Variants in ATXN2 observed in about 807,000 individuals in gnomAD.
The protein encoded by ATXN2 is ataxin 2, also known as ataxin-2.
Under a neutral mutation model 138.6 loss-of-function variants are expected in ATXN2, and 37 were observed. The observed-to-expected ratio is 0.27, with a 90% CI of 0.21 to 0.35. ATXN2 has a LOEUF of 0.35. Among genes scored for constraint, ATXN2 ranks in the 10% least tolerant of loss-of-function variants. The pLI is 1.00. For synonymous variants in ATXN2, 549 were observed against 543.7 expected, an observed-to-expected ratio of 1.01 and a Z score of -0.13; for missense variants, 1,216 against 1,480.3, an observed-to-expected ratio of 0.82 and a Z score of 2.93.
intron 5 of ATXN2, among the ~76,000 whole-genome samples, chr12:111,531,577 C>T (rs568366371): frequency 4.0e-5 from 5 of 123,756 alleles, no homozygotes; most frequent in East Asian, 1.5e-3. Context: ...TTGTATACTA[C>T]GAGCATATAC....
rs1231136567 is a variant in ATXN2, at chr12:111,452,842, T to C, written c.3440-2A>G. The C allele has an allele frequency of 6.2e-7, 1 of 1,607,834 alleles. No homozygotes were observed. Reference sequence around the variant, plus strand: ...ACTGCTGTTGGTGGTGGGCTTGTACTGTAAAAAGAAAAGCGAACATTGAAA... The same window carrying C: ...ACTGCTGTTGGTGGTGGGCTTGTACCGTAAAAAGAAAAGCGAACATTGAAA... On this transcript the variant is annotated splice_acceptor_variant, in intron 24 of 24. Coordinates refer to ENST00000673436, the MANE Select transcript of ATXN2 (RefSeq NM_001372574.1). LOFTEE classifies it high-confidence loss of function.
intron 1 of ATXN2, among the ~76,000 whole-genome samples, chr12:111,571,490 T>C (rs931448802): frequency 1.3e-5 from 2 of 152,116 alleles, no homozygotes; most frequent in Non-Finnish European, 2.9e-5. Context: ...AGGGTAAGTA[T>C]GAGGATCTCG....
At position 111,486,762 on chromosome 12, in the gene ATXN2, T is replaced by C; in HGVS notation, c.2303A>G (p.Gln768Arg). The C allele has an allele frequency of 6.2e-7, 1 of 1,608,516 alleles. No individual in the cohort carries two copies. The highest frequency in any genetic ancestry group is 8.5e-7 in the Non-Finnish European group (1 of 1,175,542). Residue 768 changes from glutamine (Q) to arginine (R), a missense_variant and splice_region_variant, in exon 16 of 25, where the codon CAG becomes CGG. Coordinates refer to ENST00000673436, the MANE Select transcript of ATXN2 (RefSeq NM_001372574.1). Reference sequence around the variant, plus strand: ...CCTCAAAGAAAGTAATAAACCTACCTGAGAGAAGGAACGTGGGTTGAACTC... The same window carrying C: ...CCTCAAAGAAAGTAATAAACCTACCCGAGAGAAGGAACGTGGGTTGAACTC... Reference protein sequence around the residue: ...AKEFNPRSFSQPKPSTTPTSP... With the variant: ...AKEFNPRSFSRPKPSTTPTSP...
At chr12:111,470,356 C>T in intron 19 of ATXN2, 116 bp from the exon 20 acceptor site, 3 of 1,330,414 alleles carry the variant, frequency 2.3e-6, no homozygotes, top group Non-Finnish European at 3.1e-6. Flanking sequence ...GCTGTAAACT[C>T]TCAAATCTTT....
Position 111,513,534 on chromosome 12 carries a change from G to A in ATXN2, c.1381C>T (p.Pro461Ser), listed in dbSNP as rs754476298. 1 of 1,611,324 alleles carries A rather than the reference G, an allele frequency of 6.2e-7. No individual in the cohort carries two copies. Among genetic ancestry groups the A allele is most frequent in the Admixed American group, 1.7e-5 (1 of 59,174 alleles). The change falls in exon 11 of 25, where the codon CCA (proline) becomes TCA (serine). Residue 461 changes from proline (P) to serine (S), a missense_variant. Around this residue, in one of 4 missense-constraint regions of ATXN2, gnomAD observed 401 missense variants for 528.1 expected, o/e 0.76. Coordinates refer to ENST00000673436, the MANE Select transcript of ATXN2 (RefSeq NM_001372574.1). Reference sequence around the variant, plus strand: ...CGCTGGGCCTTTGGGGACATCCTTGGAGGCCCTAAGGAAGAAACAGTGAAC... The same window carrying A: ...CGCTGGGCCTTTGGGGACATCCTTGAAGGCCCTAAGGAAGAAACAGTGAAC... ...MPKRMSSEGP[P>S]RMSPKAQRHP... is the part of the protein sequence containing the mutation.
At chr12:111,520,098 A>G in intron 7 of ATXN2, 22 bp from the exon 8 acceptor site, 1 of 1,609,276 alleles carries the variant, frequency 6.2e-7, no homozygotes, top group Non-Finnish European at 8.5e-7. Flanking sequence ...GGAAAAGAAA[A>G]GCAAAATGAG....
intron 1 of ATXN2, among the ~76,000 whole-genome samples, chr12:111,568,276 A>G (rs1351467649): frequency 2.6e-5 from 4 of 151,950 alleles, no homozygotes; most frequent in Non-Finnish European, 4.4e-5. Context: ...CAAAAAACAA[A>G]ACAAAAAAAA....
At chr12:111,584,841 T>C (rs1884237446) in intron 1 of ATXN2, among the ~76,000 whole-genome samples, 1 of 151,534 alleles carries the variant, frequency 6.6e-6, no homozygotes, top group Middle Eastern at 3.2e-3. Flanking sequence ...TGGTGGAGCA[T>C]GTCTGTAATC....
chr12:111,482,814 G>A (rs1206720568), intron 18 of ATXN2: 3 of 150,936 alleles, frequency 2.0e-5, no homozygotes, highest in African/African-American at 7.3e-5. Flanking sequence ...TCTTTCAACA[G>A]GTTCATATGT....
At chr12:111,592,782 C>CAAAAAAAAAAAAAAAAAA (rs71083183) in intron 1 of ATXN2, among the ~76,000 whole-genome samples, 538 of 25,964 alleles carry the variant, frequency 0.021, 139 homozygotes, top group Non-Finnish European at 0.032. Context: ...GACTCCGTCT[C>CAAAAAAAAAAAAAAAAAA]AAAAAAAAAA....
In ATXN2 at chr12:111,598,461, A is replaced by T. The variant is rs931554500; in HGVS notation, c.251+323T>A. ...GGGCGGAGGATCGTGCGGAAGGGGG[A>T]GCCGGGGCTGACCATCGCCGCTACC... On this transcript the variant is annotated intron_variant, in intron 1 of 24. Transcript: ENST00000673436. This position sits in a 1 kb window ranked among gnomAD's most constrained non-coding sequence, Gnocchi z 4.5. 30 of 984,720 alleles carry T rather than the reference A, an allele frequency of 3.0e-5. No individual in the cohort carries two copies. The highest frequency in any genetic ancestry group is 3.5e-5 in the Non-Finnish European group (29 of 829,914). 61.0% of individuals were successfully genotyped at this position (984,720 alleles called of 1,614,324 possible).
intron 2 of ATXN2, among the ~76,000 whole-genome samples, chr12:111,555,580 G>A (rs1882343969): frequency 6.6e-6 from 1 of 152,108 alleles, no homozygotes; most frequent in African/African-American, 2.4e-5. Flanking sequence ...ATGATTGTAA[G>A]TTTCCTGAGG....
rs1020253403 is a variant in ATXN2 at position 111,474,110 on chromosome 12, A to G, written c.2525-3368T>C. Among the ~76,000 whole-genome samples the G allele has an allele frequency of 4.9e-4, 75 of 152,202 alleles. 1 individual carries two copies. The highest frequency in any genetic ancestry group is 1.3e-4 in the Non-Finnish European group (9 of 68,042). Reference sequence around the variant, plus strand: ...GTGGCGCGCACCTTTAGTCCCAGCTACTTGGGAGGTTGAGGTGGGAGGACC... The same window carrying G: ...GTGGCGCGCACCTTTAGTCCCAGCTGCTTGGGAGGTTGAGGTGGGAGGACC... On this transcript the variant is annotated intron_variant, in intron 18 of 24. Transcript: ENST00000673436.
chr12:111,546,866 C>A (rs1280568456), intron 5 of ATXN2, among the ~76,000 whole-genome samples: 1 of 152,168 alleles, frequency 6.6e-6, no homozygotes, highest in Non-Finnish European at 1.5e-5. Flanking sequence ...CAATGATAAT[C>A]TGATGGTCTC....
chr12:111,479,390 TAA>T (rs33967202), intron 18 of ATXN2, among the ~76,000 whole-genome samples: 3,558 of 49,694 alleles, frequency 0.072, 190 homozygotes, highest in African/African-American at 0.21. Flanking sequence ...CCGTCTCTGC[TAA>T]AAAAAAAAAA....
In ATXN2 at chr12:111,516,273, G is replaced by A; in HGVS notation, c.1256C>T (p.Ala419Val). 1.3e-6 allele frequency: 2 copies of A among 1,573,506 alleles called. No homozygotes were observed. Among genetic ancestry groups the A allele is most frequent in the Non-Finnish European group, 8.6e-7 (1 of 1,165,250 alleles). ...SGPNSLPPRA[A>V]TPTRPPSRPP... Reference sequence around the variant, plus strand: ...CCTGGAGGGCGGCCGTGTAGGGGTGGCTGCCCGAGGTGGAAGAGAGTTGGG... The same window carrying A: ...CCTGGAGGGCGGCCGTGTAGGGGTGACTGCCCGAGGTGGAAGAGAGTTGGG... The change falls in exon 10 of 25, where the codon GCC (alanine) becomes GTC (valine). Residue 419 changes from alanine (A) to valine (V), a missense_variant. This residue lies in a region of ATXN2 where 401 missense variants were observed against 528.1 expected (regional missense o/e 0.76). Coordinates refer to ENST00000673436, the MANE Select transcript of ATXN2 (RefSeq NM_001372574.1). The surrounding 1 kb of genome is among the most constrained non-coding windows in gnomAD (Gnocchi z 5.0).
intron 14 of ATXN2, among the ~76,000 whole-genome samples, chr12:111,502,724 C>T (rs1878857719): frequency 1.3e-5 from 2 of 152,168 alleles, no homozygotes; most frequent in Admixed American, 6.5e-5. Flanking sequence ...AGCCATCATG[C>T]CCAGCAGAAA....
At chr12:111,502,452 G>A (rs148188003) in intron 14 of ATXN2, among the ~76,000 whole-genome samples, 50 of 151,104 alleles carry the variant, frequency 3.3e-4, no homozygotes, top group Non-Finnish European at 6.2e-4. Context: ...TTTTGGAGAC[G>A]GAGTTTCGCT....
intron 5 of ATXN2, among the ~76,000 whole-genome samples, chr12:111,533,425 G>A (rs1028301304): frequency 2.0e-5 from 3 of 151,996 alleles, no homozygotes; most frequent in Non-Finnish European, 4.4e-5. Context: ...TAAATGCTAC[G>A]GAAATAGTTG....
Sources: allele counts gnomAD v4.1 joint callset (sites outside exome capture counted in the v4.1 genomes callset), GRCh38; gene constraint gnomAD v4.1.1; regional missense constraint gnomAD v4.1.1; non-coding constraint Gnocchi (gnomAD v3.1); transcripts MANE v1.5; gene names NCBI Gene and HGNC (gene_info 2026-07-23, HGNC 2026-07-21).